The following GTF2IRD2B variants were observed in gnomAD, a reference collection of about 807,000 sequenced individuals.
The protein encoded by GTF2IRD2B is general transcription factor II-I repeat domain-containing protein 2B.
A neutral mutation model predicts 55.6 loss-of-function variants in GTF2IRD2B; 10 were observed. The observed-to-expected ratio is 0.18, with a 90% CI of 0.11 to 0.31. The LOEUF is 0.31. Among genes scored for constraint, GTF2IRD2B ranks in the 10% least tolerant of loss-of-function variants. The pLI, the probability that GTF2IRD2B is intolerant of heterozygous loss-of-function variation, is 1.00. For synonymous variants in GTF2IRD2B, 107 were observed against 320.5 expected, an observed-to-expected ratio of 0.33 and a Z score of 7.12; for missense variants, 206 against 802.7, an observed-to-expected ratio of 0.26 and a Z score of 8.98.
In GTF2IRD2B at chr7:75,149,490, C is replaced by T. The variant is rs1809264834; in HGVS notation, c.*193C>T. The T allele has an allele frequency of 1.7e-6, 1 of 576,776 alleles. No homozygotes were observed. Among genetic ancestry groups the T allele is most frequent in the Non-Finnish European group, 3.1e-6 (1 of 323,382 alleles). The allele number at this position is 576,776 out of a possible 1,614,324, so 35.7% of individuals were successfully genotyped here. ...CCAGCTCCTGGGTTCGAACGATTCT[C>T]CTGCCTCAGCCTCCCGAGCAGCTGG... On this transcript the variant is annotated 3_prime_UTR_variant, in exon 16 of 16. Transcript: ENST00000472837.
chr7:75,143,001 C>CAGGTGGATCATTT, intron 14 of GTF2IRD2B, among the ~76,000 whole-genome samples: 1 of 81,690 alleles, frequency 1.2e-5, no homozygotes, highest in Non-Finnish European at 2.3e-5. Context: ...GAGGCTGAGG[C>CAGGTGGATCATTT]GGGCCAGATC....
At chr7:75,092,951 A>C (rs1267196088) in intron 1 of GTF2IRD2B, among the ~76,000 whole-genome samples, 186 bp downstream of exon 1, 8 of 151,818 alleles carry the variant, frequency 5.3e-5, no homozygotes, top group African/African-American at 1.9e-4. Flanking sequence ...TGCTGGCAGG[A>C]CCAGAGGTGT....
chr7:75,113,823 CAG>C (rs1415020567), intron 3 of GTF2IRD2B, among the ~76,000 whole-genome samples: 1 of 79,128 alleles, frequency 1.3e-5, no homozygotes, highest in Non-Finnish European at 2.6e-5. Context: ...TGTGTATGTA[CAG>C]AGAGAGGGGT....
At chr7:75,104,924 G>A (rs1259066973) in intron 1 of GTF2IRD2B, among the ~76,000 whole-genome samples, 5 of 152,304 alleles carry the variant, frequency 3.3e-5, no homozygotes, top group Admixed American at 1.3e-4. Flanking sequence ...GCTGGGCGCG[G>A]TGGCTCACAC....
At chr7:75,117,526 C>T (rs1422373083) in intron 3 of GTF2IRD2B, among the ~76,000 whole-genome samples, 8 of 152,412 alleles carry the variant, frequency 5.2e-5, no homozygotes, top group African/African-American at 1.9e-4. Context: ...ACCCCCACCA[C>T]ACACAGCTTC....
intron 8 of GTF2IRD2B, among the ~76,000 whole-genome samples, chr7:75,127,147 C>T (rs1261293451): frequency 1.3e-5 from 2 of 151,180 alleles, no homozygotes; most frequent in Non-Finnish European, 3.0e-5. Flanking sequence ...AGTGGAGCCT[C>T]ATTTGCAGAA....
intron 1 of GTF2IRD2B, among the ~76,000 whole-genome samples, chr7:75,099,740 A>G (rs1807474814): frequency 7.8e-6 from 1 of 128,302 alleles, no homozygotes; most frequent in African/African-American, 3.0e-5. Flanking sequence ...CCGTCTCAAA[A>G]TAAATAAATA....
At chr7:75,142,188 C>CAGGGTCT (rs1429814868) in intron 13 of GTF2IRD2B, among the ~76,000 whole-genome samples, 1 of 148,384 alleles carries the variant, frequency 6.7e-6, no homozygotes. Context: ...TGTTTTGAGG[C>CAGGGTCT]AGGGTCTCGC....
At chr7:75,147,111 A>C (rs769692194) in intron 15 of GTF2IRD2B, among the ~76,000 whole-genome samples, 1 of 151,726 alleles carries the variant, frequency 6.6e-6, no homozygotes, top group Non-Finnish European at 1.5e-5. Context: ...TCTTTCATAA[A>C]GGTCAATCTT....
chr7:75,109,468 A>G (rs1383005785), intron 2 of GTF2IRD2B, among the ~76,000 whole-genome samples: 1 of 127,594 alleles, frequency 7.8e-6, no homozygotes, highest in Admixed American at 8.7e-5. Flanking sequence ...CCTCCCAAGT[A>G]GCTGGGATTA....
rs370702123 is a variant in GTF2IRD2B at position 75,132,800 on chromosome 7, G to A, written c.671-335G>A. Among the ~76,000 whole-genome samples, 105 of 149,014 alleles carry A rather than the reference G, an allele frequency of 7.0e-4. 8 individuals carry two copies. Among genetic ancestry groups the A allele is most frequent in the African/African-American group, 2.3e-3 (89 of 38,504 alleles). On this transcript the variant is annotated intron_variant, in intron 8 of 15. Coordinates refer to ENST00000472837, the MANE Select transcript of GTF2IRD2B (RefSeq NM_001003795.3). ...ACTCCTGACCTCAAGTGATCTGCCC[G>A]CCTCAGCCTTCCAAAGTACTGGTAT...
chr7:75,132,548 CTTTT>C (rs1159887977), intron 8 of GTF2IRD2B, among the ~76,000 whole-genome samples: 7,122 of 76,662 alleles, frequency 0.093, 3 homozygotes, highest in East Asian at 0.17. Flanking sequence ...CTCCTTCCTT[CTTTT>C]TTTTTTTTTT....
chr7:75,105,338 C>T (rs1394216385), intron 1 of GTF2IRD2B, among the ~76,000 whole-genome samples: 1 of 152,190 alleles, frequency 6.6e-6, no homozygotes, highest in Admixed American at 6.5e-5. Context: ...ACCCCGTCTC[C>T]ACCAAAAATA....
intron 10 of GTF2IRD2B, among the ~76,000 whole-genome samples, chr7:75,136,410 CCCT>C: frequency 6.7e-6 from 1 of 148,218 alleles, no homozygotes; most frequent in Non-Finnish European, 1.5e-5. Flanking sequence ...AAGCAATTCT[CCCT>C]CCTCAGCCTC....
chr7:75,137,359 AAAAT>A (rs1457045939), intron 11 of GTF2IRD2B, among the ~76,000 whole-genome samples: 2 of 149,118 alleles, frequency 1.3e-5, no homozygotes, highest in Non-Finnish European at 1.5e-5. Flanking sequence ...AAAGAAAAGA[AAAAT>A]AATAACTAGG....
chr7:75,136,448 G>GC (rs1407321554), intron 10 of GTF2IRD2B, among the ~76,000 whole-genome samples: 1 of 143,250 alleles, frequency 7.0e-6, no homozygotes, highest in Non-Finnish European at 1.5e-5. Flanking sequence ...TTACAGGCGT[G>GC]CGCCACCACG....
At position 75,132,848 on chromosome 7, in the gene GTF2IRD2B, C is replaced by A. The variant is rs587624926; in HGVS notation, c.671-287C>A. On this transcript the variant is annotated intron_variant, in intron 8 of 15. Transcript: ENST00000472837. ...TATTGGAGGCATGAGTCACCGTGCC[C>A]GGTCCCCTCCTTCCTTCTTTCCTTT... is the stretch of plus-strand genomic sequence containing the variant. Among the ~76,000 whole-genome samples, 3 of 148,840 alleles carry A rather than the reference C, an allele frequency of 2.0e-5. 1 individual carries two copies. The highest frequency in any genetic ancestry group is 7.8e-5 in the African/African-American group (3 of 38,312).
intron 1 of GTF2IRD2B, among the ~76,000 whole-genome samples, chr7:75,103,074 T>C (rs1807632615): frequency 6.6e-6 from 1 of 151,500 alleles, no homozygotes; most frequent in African/African-American, 2.4e-5. Context: ...GGTTAGGAGT[T>C]CAAGACCGGC....
intron 1 of GTF2IRD2B, among the ~76,000 whole-genome samples, chr7:75,104,591 G>A (rs1365666196): frequency 6.6e-6 from 1 of 152,214 alleles, no homozygotes; most frequent in African/African-American, 2.4e-5. Context: ...CTCTCCCGGG[G>A]ATGCTAAAGA....
Sources: allele counts gnomAD v4.1 joint callset (sites outside exome capture counted in the v4.1 genomes callset), GRCh38; gene constraint gnomAD v4.1.1; transcripts MANE v1.5; gene names NCBI Gene and HGNC (gene_info 2026-07-23, HGNC 2026-07-21).